FHIT: variants seen among roughly 807,000 people sequenced by gnomAD.
The protein encoded by FHIT is bis(5'-adenosyl)-triphosphatase.
Under a neutral mutation model 17.9 loss-of-function variants are expected in FHIT, and 19 were observed. The observed-to-expected ratio is 1.06, with a 90% CI of 0.74 to 1.56. FHIT has a LOEUF of 1.56. Among genes scored for constraint, FHIT ranks in the 40% most tolerant of loss-of-function variants. The probability of loss-of-function intolerance (pLI) is 0.00; values close to 1 mark genes in which losing one functional copy is unlikely to be tolerated. For missense variants in FHIT, 248 were observed against 189.2 expected (o/e 1.31, Z -1.82); for synonymous variants, 81 against 69.7 (o/e 1.16, Z -0.81).
At chr3:59,984,295 T>C (rs192762024) in intron 7 of FHIT, among the ~76,000 whole-genome samples, 59 of 151,998 alleles carry the variant, frequency 3.9e-4, no homozygotes, top group Admixed American at 1.2e-3. Flanking sequence ...GAAGCACCAT[T>C]AGGGGAGAAG....
intron 5 of FHIT, among the ~76,000 whole-genome samples, chr3:60,412,781 C>A (rs554244201): frequency 1.1e-3 from 169 of 152,270 alleles, no homozygotes; most frequent in South Asian, 3.1e-3. Flanking sequence ...GACCTGTAAT[C>A]CCCATGTGTC....
At chr3:60,148,458 C>A (rs1700329081) in intron 5 of FHIT, among the ~76,000 whole-genome samples, 1 of 152,184 alleles carries the variant, frequency 6.6e-6, no homozygotes, top group Non-Finnish European at 1.5e-5. Context: ...GCAAACTATA[C>A]TTTACCTTTC....
chr3:60,871,137 G>A (rs1704399112), intron 3 of FHIT, among the ~76,000 whole-genome samples: 1 of 152,030 alleles, frequency 6.6e-6, no homozygotes, highest in African/African-American at 2.4e-5. Flanking sequence ...GCTCATTCTT[G>A]CATATCTGCA....
chr3:60,604,053 A>G (rs1019539649), intron 4 of FHIT, among the ~76,000 whole-genome samples: 2 of 152,194 alleles, frequency 1.3e-5, no homozygotes, highest in East Asian at 1.9e-4. Context: ...AGTGCTTTTC[A>G]GGCAATAACA....
intron 5 of FHIT, among the ~76,000 whole-genome samples, chr3:60,296,931 A>AG (rs1708238891): frequency 6.6e-6 from 1 of 151,698 alleles, no homozygotes; most frequent in African/African-American, 2.4e-5. Context: ...CAAAAAAAAA[A>AG]AAAAAAAGAC....
chr3:60,330,025 A>G (rs1709888217), intron 5 of FHIT, among the ~76,000 whole-genome samples: 1 of 152,312 alleles, frequency 6.6e-6, no homozygotes, highest in East Asian at 1.9e-4. Flanking sequence ...CTTATAGCCG[A>G]TTGTGGTAAT....
intron 2 of FHIT, among the ~76,000 whole-genome samples, chr3:61,113,980 C>T (rs958178884): frequency 2.6e-5 from 4 of 152,154 alleles, no homozygotes; most frequent in African/African-American, 7.2e-5. Flanking sequence ...ATTATTACCA[C>T]GGTCCCATAC....
At chr3:59,758,073 T>C (rs1701310284) in intron 8 of FHIT, among the ~76,000 whole-genome samples, 3 of 152,216 alleles carry the variant, frequency 2.0e-5, no homozygotes, top group Admixed American at 6.5e-5. Context: ...CAAAGTGTTC[T>C]TGGAGTATCT....
intron 5 of FHIT, among the ~76,000 whole-genome samples, chr3:60,081,042 G>C (rs1245320972): frequency 2.0e-5 from 3 of 152,116 alleles, no homozygotes; most frequent in Admixed American, 6.6e-5. Context: ...AAGGGATAGA[G>C]ACCAGGCAAG....
At chr3:59,755,690 T>C in intron 8 of FHIT, among the ~76,000 whole-genome samples, 1 of 152,102 alleles carries the variant, frequency 6.6e-6, no homozygotes, top group East Asian at 1.9e-4. Flanking sequence ...CCTTTATTGT[T>C]CTCCTGGGGC....
chr3:59,803,988 T>C (rs769886495), intron 8 of FHIT, among the ~76,000 whole-genome samples: 7 of 152,244 alleles, frequency 4.6e-5, no homozygotes, highest in Admixed American at 1.3e-4. Flanking sequence ...GCCAACATAA[T>C]ACTTGGGGCC....
intron 4 of FHIT, among the ~76,000 whole-genome samples, chr3:60,548,133 GA>G: frequency 1.5e-4 from 1 of 6,894 alleles, no homozygotes; most frequent in Non-Finnish European, 2.5e-4. Flanking sequence ...AGGAGCACGA[GA>G]GAGAGAGAGC....
chr3:60,036,391 C>G (rs559571695), intron 5 of FHIT, among the ~76,000 whole-genome samples: 12 of 152,272 alleles, frequency 7.9e-5, no homozygotes, highest in Admixed American at 7.2e-4. Context: ...AACCGTGTCT[C>G]TATTGGAATT....
chr3:60,497,077 T>C (rs2034329324), intron 5 of FHIT, among the ~76,000 whole-genome samples: 1 of 152,170 alleles, frequency 6.6e-6, no homozygotes, highest in South Asian at 2.1e-4. Context: ...CTCCCACATG[T>C]GGCAATATGT....
chr3:59,885,366 T>C (rs1298024076), intron 8 of FHIT, among the ~76,000 whole-genome samples: 1 of 151,514 alleles, frequency 6.6e-6, no homozygotes, highest in Non-Finnish European at 1.5e-5. Flanking sequence ...GTCTGAAGGA[T>C]ACAGTGACCG....
intron 5 of FHIT, among the ~76,000 whole-genome samples, chr3:60,113,937 G>A (rs1430123046): frequency 7.3e-6 from 1 of 136,328 alleles, no homozygotes; most frequent in East Asian, 2.2e-4. Context: ...GGGAGGCGGA[G>A]CTTGCAGTGA....
At chr3:59,787,308 T>A (rs557136844) in intron 8 of FHIT, among the ~76,000 whole-genome samples, 1 of 152,344 alleles carries the variant, frequency 6.6e-6, no homozygotes, top group African/African-American at 2.4e-5. Context: ...CCAGCATTTT[T>A]CTCTTTGAGT....
At chr3:60,409,268 C>T (rs1318221610) in intron 5 of FHIT, among the ~76,000 whole-genome samples, 1 of 152,116 alleles carries the variant, frequency 6.6e-6, no homozygotes, top group East Asian at 1.9e-4. Flanking sequence ...ACTGTTAACC[C>T]AAGCACTACT....
chr3:60,362,644 T>C (rs1316853968), intron 5 of FHIT, among the ~76,000 whole-genome samples: 1 of 152,228 alleles, frequency 6.6e-6, no homozygotes, highest in South Asian at 2.1e-4. Flanking sequence ...ATGAGATACA[T>C]GTCCTGTATT....
Sources: gnomAD v4.1 joint callset for allele counts (sites outside exome capture counted in the v4.1 genomes callset) on GRCh38, gnomAD v4.1.1 for gene constraint, MANE v1.5 for transcripts, NCBI Gene and HGNC (gene_info 2026-07-23, HGNC 2026-07-21) for gene names.